The following VIT variants were observed in gnomAD, a reference collection of about 807,000 sequenced individuals.
VIT encodes the protein vitrin.
Under a neutral mutation model 78.0 loss-of-function variants are expected in VIT, and 99 were observed. The ratio of observed to expected loss-of-function variants is 1.27; its 90% CI spans 1.08 to 1.50. The LOEUF is 1.50. VIT is among the 40% of genes most tolerant of loss of function. VIT has a pLI of 0.00. For missense variants in VIT, 1,126 were observed against 875.3 expected, an observed-to-expected ratio of 1.29 and a Z score of -3.61; for synonymous variants, 374 against 334.3, an observed-to-expected ratio of 1.12 and a Z score of -1.29.
chr2:36,717,075 C>T (rs1287782684), intron 2 of VIT, among the ~76,000 whole-genome samples: 1 of 151,880 alleles, frequency 6.6e-6, no homozygotes, highest in Non-Finnish European at 1.5e-5. Flanking sequence ...CGGGGTTTCA[C>T]CATGCTGGCC....
At chr2:36,774,952 G>A (rs1215930936) in intron 8 of VIT, 50 bp from the exon 9 acceptor site, 2 of 1,598,822 alleles carry the variant, frequency 1.3e-6, no homozygotes. Context: ...AGGAAAGAAA[G>A]CAGCCTGCTG....
intron 12 of VIT, among the ~76,000 whole-genome samples, chr2:36,794,569 G>A (rs1244643612): frequency 6.6e-6 from 1 of 152,160 alleles, no homozygotes; most frequent in African/African-American, 2.4e-5. Flanking sequence ...TATGATTAGA[G>A]TGAAATTTAA....
chr2:36,814,611 G>C lies in VIT; in HGVS notation c.*250G>C, dbSNP rs1667434060. 2 of 468,486 alleles carry C rather than the reference G, an allele frequency of 4.3e-6. No homozygotes were observed. The highest frequency in any genetic ancestry group is 7.4e-6 in the Non-Finnish European group (2 of 269,308). The allele number at this position is 468,486 out of a possible 1,614,324, so 29.0% of individuals were successfully genotyped here. On this transcript the variant is annotated 3_prime_UTR_variant, in exon 16 of 16. Coordinates refer to ENST00000379242, the MANE Select transcript of VIT (RefSeq NM_053276.4). ...GAGGGTGCTGGAGATTTTACATTTT[G>C]ACAATTGTTTTCAAAATAAATGTTC...
At position 36,814,496 on chromosome 2, in the gene VIT, C is replaced by A. The variant is rs1016494349; in HGVS notation, c.*135C>A. ...GAGAAACAAATGTCTTGTTATTATTCTTTGCCATCATGCTTTTTCATATTC... is the reference window on the plus strand; with the variant it reads ...GAGAAACAAATGTCTTGTTATTATTATTTGCCATCATGCTTTTTCATATTC... On this transcript the variant is annotated 3_prime_UTR_variant, in exon 16 of 16. Coordinates refer to ENST00000379242, the MANE Select transcript of VIT (RefSeq NM_053276.4). The A allele has an allele frequency of 4.5e-6, 5 of 1,108,588 alleles. No homozygotes were observed. The African/African-American group carries it at 4.7e-5, about 10-fold the overall frequency. 68.7% of individuals were successfully genotyped at this position (1,108,588 alleles called of 1,614,324 possible).
intron 3 of VIT, among the ~76,000 whole-genome samples, chr2:36,734,100 G>C (rs1667365802): frequency 6.6e-6 from 1 of 152,152 alleles, no homozygotes; most frequent in Non-Finnish European, 1.5e-5. Context: ...GACATCCTGA[G>C]TCAAAAACTA....
At chr2:36,758,550 A>G (rs542931565) in intron 5 of VIT, among the ~76,000 whole-genome samples, 202 of 152,296 alleles carry the variant, frequency 1.3e-3, no homozygotes, top group African/African-American at 4.7e-3. Context: ...AATTCAAATG[A>G]ATCCCACACG....
intron 6 of VIT, among the ~76,000 whole-genome samples, chr2:36,765,818 G>A (rs1669395135): frequency 6.6e-6 from 1 of 152,254 alleles, no homozygotes; most frequent in Non-Finnish European, 1.5e-5. Context: ...ACCCAGTGAT[G>A]CTGATGTCTG....
Position 36,808,946 on chromosome 2 carries a change from G to GACT in VIT, c.1866_1867insTAC (p.Asp622_Asp623insTyr). 1 of 1,606,380 alleles carries GACT rather than the reference G, an allele frequency of 6.2e-7. No homozygotes were observed. Among genetic ancestry groups the GACT allele is most frequent in the Non-Finnish European group, 8.5e-7 (1 of 1,174,972 alleles). ...CCTCATCACCGACGGGAGGTCCTAC[G>GACT]ACGACGTCCGGATCCCAGCCATGGC... is the stretch of plus-strand genomic sequence containing the variant. On this transcript the variant is annotated inframe_insertion, in exon 15 of 16. Coordinates refer to ENST00000379242, the MANE Select transcript of VIT (RefSeq NM_053276.4).
intron 6 of VIT, among the ~76,000 whole-genome samples, chr2:36,759,878 CCAT>C (rs1248828755): frequency 1.3e-5 from 2 of 152,192 alleles, no homozygotes; most frequent in African/African-American, 4.8e-5. Context: ...CCGTAGACCA[CCAT>C]CGGCCTATAC....
intron 4 of VIT, among the ~76,000 whole-genome samples, chr2:36,744,919 G>C (rs1332730678): frequency 2.0e-5 from 3 of 152,048 alleles, no homozygotes; most frequent in Non-Finnish European, 2.9e-5. Context: ...GTATTTCCTA[G>C]GTTTTCTTCT....
At chr2:36,727,743 T>C (rs948883556) in intron 2 of VIT, among the ~76,000 whole-genome samples, 1 of 152,228 alleles carries the variant, frequency 6.6e-6, no homozygotes, top group African/African-American at 2.4e-5. Flanking sequence ...AAAATTCCTA[T>C]TGCCTAGTGA....
chr2:36,801,287 T>C lies in VIT; in HGVS notation c.1059-14T>C. On this transcript the variant is annotated splice_polypyrimidine_tract_variant and intron_variant, in intron 12 of 15. Transcript: ENST00000379242. ...CTTTGCAGCTAATTTGTATTTCTTG[T>C]TCTGACTCTTCAGAGACAACCCTGC... 1 of 1,606,884 alleles carries C rather than the reference T, an allele frequency of 6.2e-7. No homozygotes were observed. Among genetic ancestry groups the C allele is most frequent in the Non-Finnish European group, 8.5e-7 (1 of 1,173,560 alleles).
chr2:36,788,601 G>A (rs1280057666), intron 12 of VIT, among the ~76,000 whole-genome samples: 4 of 152,108 alleles, frequency 2.6e-5, no homozygotes, highest in African/African-American at 4.8e-5. Context: ...AGAAAAGTGC[G>A]GTTTTAGGGG....
intron 5 of VIT, among the ~76,000 whole-genome samples, chr2:36,756,782 G>A (rs1668793113): frequency 1.3e-5 from 2 of 152,222 alleles, no homozygotes; most frequent in South Asian, 4.1e-4. Flanking sequence ...GAGACAGAGA[G>A]AAATATAATC....
At chr2:36,771,967 A>C (rs932689328) in intron 7 of VIT, among the ~76,000 whole-genome samples, 7 of 152,204 alleles carry the variant, frequency 4.6e-5, no homozygotes, top group African/African-American at 1.7e-4. Context: ...TGTACATCCC[A>C]CAGAAAAAGG....
Position 36,743,127 on chromosome 2 carries a change from A to C in VIT, c.146A>C (p.Lys49Thr). ...FTVPQINCDV[K>T]AGKIIDPEFI... ...GTGCCTCAGATCAACTGCGATGTCA[A>C]AGCCGGAAAGATCATCGATCCTGAG... The change falls in exon 4 of 16, where the codon AAA becomes ACA. Residue 49 changes from lysine (K) to threonine (T), a missense_variant. By Grantham distance (78) the Lys-to-Thr change is moderately conservative (BLOSUM62 -1). Transcript: ENST00000379242. The C allele has an allele frequency of 6.2e-7, 1 of 1,614,066 alleles. No individual in the cohort carries two copies. Among genetic ancestry groups the C allele is most frequent in the Non-Finnish European group, 8.5e-7 (1 of 1,179,966 alleles).
chr2:36,796,921 T>G (rs1286274879), intron 12 of VIT, among the ~76,000 whole-genome samples: 1 of 152,208 alleles, frequency 6.6e-6, no homozygotes, highest in Non-Finnish European at 1.5e-5. Flanking sequence ...ACAAATCATT[T>G]TCAAATGTAA....
chr2:36,801,029 T>C (rs1427084649), intron 12 of VIT, among the ~76,000 whole-genome samples: 1 of 152,132 alleles, frequency 6.6e-6, no homozygotes, highest in Admixed American at 6.5e-5. Context: ...TATAACGATG[T>C]TTTCATCTAC....
intron 3 of VIT, among the ~76,000 whole-genome samples, chr2:36,735,034 G>A (rs959642386): frequency 1.3e-5 from 2 of 152,070 alleles, no homozygotes; most frequent in African/African-American, 4.8e-5. Flanking sequence ...CGTGGTGGCA[G>A]GCACCTGTAA....
Sources: gnomAD v4.1 joint callset for allele counts (sites outside exome capture counted in the v4.1 genomes callset) on GRCh38, gnomAD v4.1.1 for gene constraint, MANE v1.5 for transcripts, NCBI Gene and HGNC (gene_info 2026-07-23, HGNC 2026-07-21) for gene names.